The following CEP192 variants were observed in gnomAD, a reference collection of about 807,000 sequenced individuals.
CEP192 encodes the protein centrosomal protein of 192 kDa.
A neutral mutation model predicts 271.8 loss-of-function variants in CEP192; 151 were observed. The observed-to-expected ratio is 0.56, with a 90% CI of 0.49 to 0.64. The LOEUF (loss-of-function observed/expected upper bound fraction) is 0.64, where lower values mean the gene tolerates loss of function less well. Ranked by LOEUF, CEP192 falls within the 30% of genes least tolerant of loss-of-function variation. The pLI is 0.00. For synonymous variants in CEP192, 995 were observed against 1,076.5 expected, an observed-to-expected ratio of 0.92 and a Z score of 1.48; for missense variants, 2,910 against 3,020.5, an observed-to-expected ratio of 0.96 and a Z score of 0.86.
chr18:13,001,730 C>T, intron 3 of CEP192, 148 bp downstream of exon 3: 1 of 842,132 alleles, frequency 1.2e-6, no homozygotes, highest in East Asian at 2.9e-5. Context: ...GGCGGAGTTT[C>T]ACTCACTCCA....
chr18:13,002,336 A>C (rs2033704598), intron 3 of CEP192, among the ~76,000 whole-genome samples: 1 of 152,182 alleles, frequency 6.6e-6, no homozygotes, highest in Non-Finnish European at 1.5e-5. Context: ...ACAAAAAATT[A>C]GATGCAGTAT....
intron 36 of CEP192, among the ~76,000 whole-genome samples, chr18:13,099,109 C>T (rs1268274878): frequency 6.9e-6 from 1 of 144,258 alleles, no homozygotes; most frequent in Non-Finnish European, 1.5e-5. Flanking sequence ...AGGGAGGTTG[C>T]AGTGAGCCGA....
chr18:13,043,310 C>T (rs2036308449), intron 15 of CEP192, among the ~76,000 whole-genome samples: 2 of 152,184 alleles, frequency 1.3e-5, no homozygotes, highest in Admixed American at 1.3e-4. Context: ...CATGTGTCTT[C>T]TCCCAGTCTG....
At chr18:13,110,522 A>C (rs1001100583) in intron 40 of CEP192, among the ~76,000 whole-genome samples, 1 of 152,146 alleles carries the variant, frequency 6.6e-6, no homozygotes, top group Admixed American at 6.5e-5. Context: ...GGATAGCCAC[A>C]TGCAAAAGAA....
At chr18:13,004,327 C>T (rs2033847670) in intron 3 of CEP192, among the ~76,000 whole-genome samples, 1 of 151,596 alleles carries the variant, frequency 6.6e-6, no homozygotes, top group African/African-American at 2.4e-5. Flanking sequence ...GGAGAAGTTG[C>T]TGCATGTTTG....
intron 34 of CEP192, among the ~76,000 whole-genome samples, chr18:13,093,917 C>T (rs1322942050): frequency 6.6e-6 from 1 of 152,138 alleles, no homozygotes; most frequent in Non-Finnish European, 1.5e-5. Context: ...ACCAAATCAC[C>T]TTTCTTTTTT....
intron 39 of CEP192, 69 bp downstream of exon 39, chr18:13,103,657 G>T: frequency 8.4e-7 from 1 of 1,190,662 alleles, no homozygotes; most frequent in South Asian, 1.2e-5. Context: ...TCTAAAAACT[G>T]ACTATGAGCA....
intron 42 of CEP192, among the ~76,000 whole-genome samples, chr18:13,115,934 G>A (rs1042597691): frequency 3.9e-5 from 6 of 152,164 alleles, no homozygotes; most frequent in Admixed American, 3.9e-4. Context: ...GCCGGAGAAA[G>A]GGGAGGCAGC....
rs148337280 is a variant in CEP192, at chr18:12,996,746, C to T, written c.-4-2675C>T. ...GAAATGAAGCCAAGAAAGTATTTCC[C>T]CAAGGAAGGAGTAATCACCTGAATG... On this transcript the variant is annotated intron_variant, in intron 1 of 44. Transcript: ENST00000506447. 1.8e-4 allele frequency among the ~76,000 whole-genome samples: 28 copies of T among 152,162 alleles called. No individual in the cohort carries two copies. In the East Asian group the frequency reaches 2.5e-3, roughly 14 times the overall value.
chr18:13,087,015 A>G lies in CEP192; in HGVS notation c.5617-2A>G. On this transcript the variant is annotated splice_acceptor_variant, in intron 30 of 44. Transcript: ENST00000506447. LOFTEE classifies it high-confidence loss of function. ...AATTTTGGATATGTATATCTTTTTT[A>G]GATACCTTTGTCTGGATATGGAGGA... The G allele has an allele frequency of 1.9e-6, 3 of 1,593,644 alleles. No homozygotes were observed. The highest frequency in any genetic ancestry group is 1.7e-6 in the Non-Finnish European group (2 of 1,166,710).
chr18:13,017,580 A>G (rs918466259), intron 7 of CEP192, among the ~76,000 whole-genome samples: 1 of 152,182 alleles, frequency 6.6e-6, no homozygotes, highest in Non-Finnish European at 1.5e-5. Context: ...CAGTTAACCA[A>G]TTGCTAAAGT....
chr18:13,032,130 T>C (rs751541715), intron 11 of CEP192, among the ~76,000 whole-genome samples: 23 of 152,182 alleles, frequency 1.5e-4, no homozygotes, highest in Non-Finnish European at 3.1e-4. Context: ...AATCTTCTCC[T>C]GGTAGTTAGG....
At chr18:13,048,812 A>T in intron 15 of CEP192, 47 bp from the exon 16 acceptor site, 2 of 1,311,824 alleles carry the variant, frequency 1.5e-6, no homozygotes, top group Non-Finnish European at 2.1e-6. Context: ...ATGAATGTTC[A>T]TGAAACTGGG....
intron 14 of CEP192, 44 bp downstream of exon 14, chr18:13,041,000 T>G (rs777581205): frequency 6.5e-7 from 1 of 1,550,300 alleles, no homozygotes; most frequent in South Asian, 1.2e-5. Context: ...TTTTTTTTCT[T>G]AAATGCGTAA....
chr18:13,070,192 G>C (rs1478287266), intron 27 of CEP192, among the ~76,000 whole-genome samples: 2 of 151,722 alleles, frequency 1.3e-5, no homozygotes, highest in African/African-American at 4.8e-5. Context: ...AGTTTTACTT[G>C]TCTCTCAAAA....
rs574568798 is a variant in CEP192 at position 13,052,689 on chromosome 18, G to A, written c.3018-230G>A. Among the ~76,000 whole-genome samples, 64 of 152,248 alleles carry A rather than the reference G, an allele frequency of 4.2e-4. No homozygotes were observed. In the East Asian group the frequency reaches 0.011, roughly 27 times the overall value. On this transcript the variant is annotated intron_variant, in intron 17 of 44. Transcript: ENST00000506447. ...CTAATTGCTAATAATGAATTGCTGT[G>A]TGTCTTTATATGGTATTTATTAATG...
At chr18:13,037,668 G>T (rs1480831991) in intron 12 of CEP192, among the ~76,000 whole-genome samples, 2 of 152,192 alleles carry the variant, frequency 1.3e-5, no homozygotes, top group Admixed American at 6.5e-5. Context: ...TGATCCTCCT[G>T]TCTCAGCCTC....
intron 44 of CEP192, among the ~76,000 whole-genome samples, chr18:13,119,303 T>C (rs535696402): frequency 6.6e-6 from 1 of 152,230 alleles, no homozygotes; most frequent in Non-Finnish European, 1.5e-5. Flanking sequence ...TTGGTTCACA[T>C]CCCACATCTT....
intron 44 of CEP192, among the ~76,000 whole-genome samples, chr18:13,123,012 T>C: frequency 6.6e-6 from 1 of 152,238 alleles, no homozygotes; most frequent in East Asian, 1.9e-4. Flanking sequence ...CTAAAGCAGA[T>C]GATATATTTT....
Sources: allele counts gnomAD v4.1 joint callset (sites outside exome capture counted in the v4.1 genomes callset), GRCh38; gene constraint gnomAD v4.1.1; transcripts MANE v1.5; gene names NCBI Gene and HGNC (gene_info 2026-07-23, HGNC 2026-07-21).